The following ROBO2 variants were observed in gnomAD, a reference collection of about 807,000 sequenced individuals.
The protein encoded by ROBO2 is roundabout homolog 2.
ROBO2 carries 53 observed loss-of-function variants against 160.8 expected under a neutral mutation model. The observed-to-expected ratio is 0.33, with a 90% CI of 0.26 to 0.41. The LOEUF is 0.41. Ranked by LOEUF, ROBO2 falls within the 10% of genes least tolerant of loss-of-function variation. The probability of loss-of-function intolerance (pLI) is 1.00; values close to 1 mark genes in which losing one functional copy is unlikely to be tolerated. For missense variants in ROBO2, 1,577 were observed against 1,722.4 expected, an observed-to-expected ratio of 0.92 and a Z score of 1.49; for synonymous variants, 664 against 611.7, an observed-to-expected ratio of 1.09 and a Z score of -1.26.
At chr3:76,930,836 G>A (rs76226352) in intron 2 of ROBO2, among the ~76,000 whole-genome samples, 3 of 152,270 alleles carry the variant, frequency 2.0e-5, no homozygotes, top group South Asian at 2.1e-4. Flanking sequence ...TCCCAGCCAC[G>A]TTGGTAAGAG....
At chr3:76,342,623 T>A (rs1278619496) in intron 2 of ROBO2, among the ~76,000 whole-genome samples, 1 of 152,106 alleles carries the variant, frequency 6.6e-6, no homozygotes, top group Non-Finnish European at 1.5e-5. Context: ...CCTGTATATA[T>A]CCTTACAAAT....
chr3:77,058,212 A>AT (rs1298685954), intron 1 of ROBO2, among the ~76,000 whole-genome samples: 1 of 152,186 alleles, frequency 6.6e-6, no homozygotes, highest in Non-Finnish European at 1.5e-5. Context: ...GAGCTTAGAT[A>AT]TTTTTTGCTT....
intron 2 of ROBO2, among the ~76,000 whole-genome samples, chr3:77,394,340 C>A (rs2075056089): frequency 6.6e-6 from 1 of 151,836 alleles, no homozygotes; most frequent in African/African-American, 2.4e-5. Flanking sequence ...TGGCTGGTCG[C>A]CTCCCTATTC....
chr3:75,968,686 T>C (rs1258674737), intron 2 of ROBO2, among the ~76,000 whole-genome samples: 1 of 151,580 alleles, frequency 6.6e-6, no homozygotes, highest in East Asian at 2.0e-4. Flanking sequence ...TACAACTTAC[T>C]CATCCTACAT....
chr3:76,948,367 CCTT>C (rs1488529364), intron 2 of ROBO2, among the ~76,000 whole-genome samples: 2 of 151,964 alleles, frequency 1.3e-5, no homozygotes, highest in African/African-American at 4.8e-5. Flanking sequence ...TTATCTTCCT[CCTT>C]CTTCACTATT....
chr3:76,071,464 G>C (rs548437724), intron 2 of ROBO2, among the ~76,000 whole-genome samples: 1 of 152,128 alleles, frequency 6.6e-6, no homozygotes. Flanking sequence ...AACTGGTTGG[G>C]TTATCTGGCT....
intron 2 of ROBO2, among the ~76,000 whole-genome samples, chr3:76,600,787 C>A (rs142427927): frequency 1.3e-3 from 194 of 152,262 alleles, no homozygotes; most frequent in African/African-American, 4.4e-3. Flanking sequence ...CATGGCCTCA[C>A]ATTTCAAAAC....
intron 1 of ROBO2, among the ~76,000 whole-genome samples, chr3:77,043,313 C>A (rs1178904581): frequency 6.6e-6 from 1 of 152,136 alleles, no homozygotes; most frequent in Non-Finnish European, 1.5e-5. Context: ...ATATACTGAC[C>A]ATCCTTGTGC....
At chr3:76,567,000 C>T (rs1456528869) in intron 2 of ROBO2, among the ~76,000 whole-genome samples, 1 of 152,088 alleles carries the variant, frequency 6.6e-6, no homozygotes, top group African/African-American at 2.4e-5. Flanking sequence ...TATATTTATC[C>T]ATGGGAAAGA....
chr3:76,715,578 A>C (rs1319417283), intron 2 of ROBO2, among the ~76,000 whole-genome samples: 1 of 152,206 alleles, frequency 6.6e-6, no homozygotes, highest in African/African-American at 2.4e-5. Context: ...CTGTAATGTG[A>C]TGCAATGCGA....
chr3:76,671,907 T>C (rs993639150), intron 2 of ROBO2, among the ~76,000 whole-genome samples: 3 of 152,046 alleles, frequency 2.0e-5, no homozygotes, highest in African/African-American at 7.2e-5. Flanking sequence ...AAGTCTGTTA[T>C]GGTTGATTCA....
At chr3:76,364,128 T>C (rs1382255253) in intron 2 of ROBO2, among the ~76,000 whole-genome samples, 1 of 152,092 alleles carries the variant, frequency 6.6e-6, no homozygotes, top group Non-Finnish European at 1.5e-5. Context: ...TCTTCATGCC[T>C]GAAGACTTGT....
At chr3:76,386,076 C>T (rs1034315834) in intron 2 of ROBO2, among the ~76,000 whole-genome samples, 12 of 151,834 alleles carry the variant, frequency 7.9e-5, no homozygotes, top group Non-Finnish European at 1.8e-4. Context: ...ATTGAAATAC[C>T]AATTTTTAAA....
chr3:76,197,190 GTC>G (rs1455032100), intron 2 of ROBO2, among the ~76,000 whole-genome samples: 1 of 110,064 alleles, frequency 9.1e-6, no homozygotes, highest in Non-Finnish European at 1.9e-5. Flanking sequence ...GAGCTAATCG[GTC>G]TCTCTATAGA....
chr3:76,637,892 G>A (rs768884403), intron 2 of ROBO2, among the ~76,000 whole-genome samples: 98 of 151,980 alleles, frequency 6.4e-4, no homozygotes, highest in Non-Finnish European at 1.2e-3. Flanking sequence ...AAATAACAGG[G>A]TTTCTTGAAA....
At chr3:76,304,743 T>TTTCC (rs1491482504) in intron 2 of ROBO2, among the ~76,000 whole-genome samples, 86 of 117,794 alleles carry the variant, frequency 7.3e-4, no homozygotes, top group Admixed American at 5.7e-3. Flanking sequence ...TTTTCTTTTC[T>TTTCC]TTCCTTCTTT....
chr3:77,441,574 CA>C (rs1410950120), intron 2 of ROBO2, among the ~76,000 whole-genome samples: 1 of 151,700 alleles, frequency 6.6e-6, no homozygotes, highest in Non-Finnish European at 1.5e-5. Context: ...TTTAAACATA[CA>C]AAATTATAAA....
chr3:76,874,497 A>G lies in ROBO2; in HGVS notation c.110-223517A>G, dbSNP rs150462205. ...TTTTGTTTTAAATTACACATTTTCA[A>G]AATGAAAGGATACTTAAATTCTGAT... is the stretch of plus-strand genomic sequence containing the variant. On this transcript the variant is annotated intron_variant, in intron 2 of 26. Transcript: ENST00000487694. Among the ~76,000 whole-genome samples the G allele has an allele frequency of 3.4e-3, 524 of 152,276 alleles. 3 individuals carry two copies. The highest frequency in any genetic ancestry group is 9.6e-3 in the African/African-American group (398 of 41,572).
chr3:76,030,751 G>A (rs1346353380), intron 2 of ROBO2, among the ~76,000 whole-genome samples: 2 of 152,188 alleles, frequency 1.3e-5, no homozygotes, highest in East Asian at 3.9e-4. Flanking sequence ...CCAGTACCAT[G>A]CTGTTTTGGT....
Sources: allele counts gnomAD v4.1 joint callset (sites outside exome capture counted in the v4.1 genomes callset), GRCh38; gene constraint gnomAD v4.1.1; transcripts MANE v1.5; gene names NCBI Gene and HGNC (gene_info 2026-07-23, HGNC 2026-07-21).